Variants in PNPLA7 observed in about 807,000 individuals in gnomAD.
PNPLA7 encodes patatin like domain 7, lysophospholipase, also known as patatin-like phospholipase domain-containing protein 7.
In PNPLA7, 153 loss-of-function variants were observed where a neutral mutation model predicts 161.7. The observed-to-expected ratio is 0.95, with a 90% CI of 0.83 to 1.08. The LOEUF (loss-of-function observed/expected upper bound fraction) is 1.08. PNPLA7 is among the 50% of genes least tolerant of loss of function. The probability of loss-of-function intolerance (pLI) is 0.00; values close to 1 mark genes in which losing one functional copy is unlikely to be tolerated. For synonymous variants in PNPLA7, 809 were observed against 782.1 expected, an observed-to-expected ratio of 1.03 and a Z score of -0.57; for missense variants, 1,739 against 1,856.6, an observed-to-expected ratio of 0.94 and a Z score of 1.16.
chr9:137,506,004 G>C lies in PNPLA7; in HGVS notation c.1305C>G (p.Pro435=). The C allele has an allele frequency of 1.2e-6, 2 of 1,612,114 alleles. No homozygotes were observed. The highest frequency in any genetic ancestry group is 8.5e-7 in the Non-Finnish European group (1 of 1,179,504). Residue 435 remains proline, a synonymous_variant, in exon 13 of 35, where the codon CCC becomes CCG. Transcript: ENST00000406427. ...ARVFLHSDEH[P]GSSVASKSRK... ...CTACCTTGCTGGCCACGGAGCTCCCGGGGTGCTCGTCCGAGTGCAGGAAGA... is the reference window on the plus strand; with the variant it reads ...CTACCTTGCTGGCCACGGAGCTCCCCGGGTGCTCGTCCGAGTGCAGGAAGA...
Position 137,463,054 on chromosome 9 carries a change from G to A in PNPLA7, c.3344-221C>T, listed in dbSNP as rs1014963395. On this transcript the variant is annotated intron_variant, in intron 29 of 34. Coordinates refer to ENST00000406427, the MANE Select transcript of PNPLA7 (RefSeq NM_001098537.3). ...TGACCGTATATCCCACAGGTGACAG[G>A]AGTGGCCTGGCCTGGCCCCCAGCAA... is the stretch of plus-strand genomic sequence containing the variant. The A allele has an allele frequency of 8.9e-6, 6 of 675,622 alleles. No homozygotes were observed. In the South Asian group the frequency reaches 1.2e-4, roughly 13 times the overall value. 41.9% of individuals were successfully genotyped at this position (675,622 alleles called of 1,614,324 possible).
intron 8 of PNPLA7, among the ~76,000 whole-genome samples, chr9:137,530,511 C>T (rs570881502): frequency 2.6e-5 from 4 of 152,298 alleles, no homozygotes; most frequent in Admixed American, 1.3e-4. Context: ...CAGAAGAAAA[C>T]GAAAAAGCAG....
At chr9:137,527,238 G>A (rs534784073) in intron 8 of PNPLA7, among the ~76,000 whole-genome samples, 8 of 151,320 alleles carry the variant, frequency 5.3e-5, no homozygotes, top group African/African-American at 1.7e-4. Flanking sequence ...ACTGCACTCC[G>A]GCCTGGGAGA....
intron 8 of PNPLA7, among the ~76,000 whole-genome samples, chr9:137,538,614 G>T (rs1423389868): frequency 1.3e-5 from 2 of 152,226 alleles, no homozygotes; most frequent in Non-Finnish European, 1.5e-5. Flanking sequence ...AATGCAAAAG[G>T]TGTAACTCAA....
chr9:137,514,587 C>T (rs11788736), intron 12 of PNPLA7, among the ~76,000 whole-genome samples: 27,809 of 115,176 alleles, frequency 0.24, 3,857 homozygotes, highest in East Asian at 0.41. Flanking sequence ...GGGCTGTGGG[C>T]GGGTCACCCG....
intron 18 of PNPLA7, among the ~76,000 whole-genome samples, chr9:137,495,973 G>A (rs1054954293): frequency 4.6e-5 from 7 of 152,228 alleles, no homozygotes; most frequent in African/African-American, 9.6e-5. Context: ...GAGGCGAGGC[G>A]GTGCTGGAGC....
At chr9:137,489,919 C>T (rs1832685276) in intron 20 of PNPLA7, among the ~76,000 whole-genome samples, 1 of 152,198 alleles carries the variant, frequency 6.6e-6, no homozygotes, top group Non-Finnish European at 1.5e-5. Context: ...GGTGGAGGGG[C>T]ACACGAGTGG....
rs1458396937 is a variant in PNPLA7 at position 137,486,518 on chromosome 9, G to A, written c.2198-1782C>T. Among the ~76,000 whole-genome samples the A allele has an allele frequency of 6.6e-6, 1 of 152,156 alleles. No homozygotes were observed. The highest frequency in any genetic ancestry group is 1.5e-5 in the Non-Finnish European group (1 of 68,026). On this transcript the variant is annotated intron_variant, in intron 20 of 34. Transcript: ENST00000406427. The surrounding 1 kb of genome is among the most constrained non-coding windows in gnomAD (Gnocchi z 6.0). ...AAAAGAAAAACACCCGTACCTGTAT[G>A]CAGGCAGAAACAGATAAATGATGCT...
chr9:137,515,278 C>A, intron 12 of PNPLA7, 101 bp downstream of exon 12: 2 of 1,465,916 alleles, frequency 1.4e-6, no homozygotes, highest in East Asian at 2.5e-5. Context: ...GGAGGGTGCC[C>A]GCCTCGGCGG....
intron 26 of PNPLA7, among the ~76,000 whole-genome samples, chr9:137,465,544 C>G (rs1831423617): frequency 6.6e-6 from 1 of 152,238 alleles, no homozygotes; most frequent in Non-Finnish European, 1.5e-5. Flanking sequence ...TGGGGCCGTC[C>G]TGCTGCATGC....
At chr9:137,514,516 G>T (rs1333353017) in intron 12 of PNPLA7, among the ~76,000 whole-genome samples, 2 of 132,528 alleles carry the variant, frequency 1.5e-5, no homozygotes, top group African/African-American at 5.8e-5. Flanking sequence ...GAGGTGCCCG[G>T]GCCCTGTGGC....
rs1001158652 is a variant in PNPLA7, at chr9:137,486,761, G to A, written c.2198-2025C>T. 3.3e-5 allele frequency among the ~76,000 whole-genome samples: 5 copies of A among 152,102 alleles called. No homozygotes were observed. Among genetic ancestry groups the A allele is most frequent in the Non-Finnish European group, 7.3e-5 (5 of 68,030 alleles). ...AGAGGACGCTCTGTGCACAGTGGCCGGAGCTGGCCTTCGACGCCCAAGTCT... is the reference window on the plus strand; with the variant it reads ...AGAGGACGCTCTGTGCACAGTGGCCAGAGCTGGCCTTCGACGCCCAAGTCT... On this transcript the variant is annotated intron_variant, in intron 20 of 34. Coordinates refer to ENST00000406427, the MANE Select transcript of PNPLA7 (RefSeq NM_001098537.3). This position sits in a 1 kb window ranked among gnomAD's most constrained non-coding sequence, Gnocchi z 6.0.
At position 137,523,208 on chromosome 9, in the gene PNPLA7, G is replaced by A. The variant is rs575070914; in HGVS notation, c.748-351C>T. Among the ~76,000 whole-genome samples, 23 of 152,228 alleles carry A rather than the reference G, an allele frequency of 1.5e-4. No homozygotes were observed. The East Asian group carries it at 3.5e-3, about 23-fold the overall frequency. ...CTCACCAGCGTCCTACTCTACGTCC[G>A]ACATCAGCGTCGGTACCCCTCGCCA... On this transcript the variant is annotated intron_variant, in intron 8 of 34. Coordinates refer to ENST00000406427, the MANE Select transcript of PNPLA7 (RefSeq NM_001098537.3). This position sits in a 1 kb window ranked among gnomAD's most constrained non-coding sequence, Gnocchi z 4.4.
rs1307989517 is a variant in PNPLA7 at position 137,499,688 on chromosome 9, G to A, written c.1757+1003C>T. Among the ~76,000 whole-genome samples the A allele has an allele frequency of 1.3e-5, 2 of 152,238 alleles. No individual in the cohort carries two copies. Among genetic ancestry groups the A allele is most frequent in the Admixed American group, 6.5e-5 (1 of 15,288 alleles). ...CCCTTCCCAACTGGGCCAGGGCCCCGCTGCCCCCACCCCTGCCCCTTGCCC... is the reference window on the plus strand; with the variant it reads ...CCCTTCCCAACTGGGCCAGGGCCCCACTGCCCCCACCCCTGCCCCTTGCCC... On this transcript the variant is annotated intron_variant, in intron 16 of 34. Coordinates refer to ENST00000406427, the MANE Select transcript of PNPLA7 (RefSeq NM_001098537.3). This position sits in a 1 kb window ranked among gnomAD's most constrained non-coding sequence, Gnocchi z 5.5.
At chr9:137,505,940 G>C in intron 13 of PNPLA7, 43 bp downstream of exon 13, 3 of 1,573,022 alleles carry the variant, frequency 1.9e-6, no homozygotes, top group Non-Finnish European at 2.6e-6. Context: ...CACGGAGAGG[G>C]TGGGGCCCCA....
intron 20 of PNPLA7, 119 bp downstream of exon 20, chr9:137,492,894 A>T: frequency 1.4e-6 from 1 of 693,562 alleles, no homozygotes; most frequent in Non-Finnish European, 2.2e-6. Flanking sequence ...CTGGGTGGGC[A>T]GGGCTCCAGG....
Position 137,478,020 on chromosome 9 carries a change from G to A in PNPLA7, c.2882+14C>T. Reference sequence around the variant, plus strand: ...CACACCAGTGAGGAGTGTGTAGGAAGCGGGGGGACTCACCTTGCTCCCCCT... The same window carrying A: ...CACACCAGTGAGGAGTGTGTAGGAAACGGGGGGACTCACCTTGCTCCCCCT... On this transcript the variant is annotated intron_variant, in intron 25 of 34. Coordinates refer to ENST00000406427, the MANE Select transcript of PNPLA7 (RefSeq NM_001098537.3). 1 of 1,408,826 alleles carries A rather than the reference G, an allele frequency of 7.1e-7. No individual in the cohort carries two copies. Among genetic ancestry groups the A allele is most frequent in the Non-Finnish European group, 9.3e-7 (1 of 1,075,650 alleles). The allele number at this position is 1,408,826 out of a possible 1,614,324, so 87.3% of individuals were successfully genotyped here.
intron 4 of PNPLA7, among the ~76,000 whole-genome samples, chr9:137,544,060 C>T (rs1382244379): frequency 6.6e-6 from 1 of 152,174 alleles, no homozygotes; most frequent in African/African-American, 2.4e-5. Context: ...TCCAGAGCCC[C>T]CAGGCTTCAT....
rs1831156781 is a variant in PNPLA7, at chr9:137,460,946, C to T, written c.3842-209G>A. The T allele has an allele frequency of 1.2e-5, 7 of 561,516 alleles. 1 individual carries two copies. Among genetic ancestry groups the T allele is most frequent in the Middle Eastern group, 4.6e-4 (1 of 2,174 alleles). The allele number at this position is 561,516 out of a possible 1,614,324, so 34.8% of individuals were successfully genotyped here. On this transcript the variant is annotated intron_variant, in intron 33 of 34. Transcript: ENST00000406427. ...CCAGCTTTGCCCCAGCACATCACTT[C>T]GTGGGTCTTCCACAAGGACAAGGAG...
Sources: gnomAD v4.1 joint callset for allele counts (sites outside exome capture counted in the v4.1 genomes callset) on GRCh38, gnomAD v4.1.1 for gene constraint, Gnocchi (gnomAD v3.1) non-coding constraint, MANE v1.5 for transcripts, NCBI Gene and HGNC (gene_info 2026-07-23, HGNC 2026-07-21) for gene names.